SOD2: variants seen among roughly 807,000 people sequenced by gnomAD.
SOD2 encodes the protein superoxide dismutase [Mn], mitochondrial.
SOD2 carries 11 observed loss-of-function variants against 27.0 expected under a neutral mutation model. The ratio of observed to expected loss-of-function variants is 0.41; its 90% confidence interval spans 0.26 to 0.67. The LOEUF (loss-of-function observed/expected upper bound fraction) is 0.67, where lower values mean the gene tolerates loss of function less well. SOD2 is among the 30% of genes least tolerant of loss of function. SOD2 has a pLI of 0.34. For missense variants in SOD2, 250 were observed against 274.5 expected (o/e 0.91, Z 0.63); for synonymous variants, 105 against 103.0 (o/e 1.02, Z -0.12).
At position 159,673,984 on chromosome 6, in the gene SOD2, T is replaced by C. The variant is rs1779723783; in HGVS notation, c.*8509A>G. ...TATAAACACCTCTATGCAAATAAAC[T>C]AGAAAATCTAGAAGAAATAGATAAA... On this transcript the variant is annotated 3_prime_UTR_variant, in exon 5 of 5. Transcript: ENST00000538183. 6.6e-6 allele frequency: 1 copy of C among 152,120 alleles called. No individual in the cohort carries two copies. The highest frequency in any genetic ancestry group is 6.5e-5 in the Admixed American group (1 of 15,276). The allele number at this position is 152,120 out of a possible 1,614,324, so 9.4% of individuals were successfully genotyped here. A position where few individuals can be genotyped will look rare whatever the true frequency, so the allele number is the denominator to read the frequency against.
chr6:159,684,568 G>C (rs1780099780), intron 4 of SOD2, among the ~76,000 whole-genome samples: 1 of 152,060 alleles, frequency 6.6e-6, no homozygotes, highest in Non-Finnish European at 1.5e-5. Flanking sequence ...AGTGAACCGA[G>C]ATCGCACCAC....
At chr6:159,702,681 A>AAAGG (rs1348298028) in intron 1 of SOD2, among the ~76,000 whole-genome samples, 2 of 139,918 alleles carry the variant, frequency 1.4e-5, no homozygotes, top group Admixed American at 1.4e-4. Context: ...AAAAAAAAAG[A>AAAGG]AAGAAAGAAA....
intron 1 of SOD2, among the ~76,000 whole-genome samples, chr6:159,759,320 A>T (rs1446137935): frequency 2.5e-4 from 37 of 148,444 alleles, no homozygotes; most frequent in Non-Finnish European, 5.1e-4. Context: ...CGGCCTCCCA[A>T]AGTGCTGGGA....
At chr6:159,748,138 C>T (rs1048864727), upstream of SOD2, 51 of 1,549,754 alleles carry the variant, frequency 3.3e-5, no homozygotes, top group Non-Finnish European at 4.2e-5. The surrounding 1 kb of genome is among the most constrained non-coding windows in gnomAD (Gnocchi z 5.6). Flanking sequence ...TCCCCACCTT[C>T]TTATGTATGT....
At chr6:159,753,254 G>C in intron 1 of SOD2, 1 of 646,944 alleles carries the variant, frequency 1.5e-6, no homozygotes, top group Non-Finnish European at 2.6e-6. Flanking sequence ...GGCACTTTTT[G>C]TTTAGGGTTT....
At chr6:159,704,281 G>A (rs770558713) in intron 1 of SOD2, among the ~76,000 whole-genome samples, 97 of 152,202 alleles carry the variant, frequency 6.4e-4, no homozygotes, top group African/African-American at 2.1e-3. Context: ...AGTGGGTGGA[G>A]GACAGTGGGT....
At chr6:159,750,115 C>G (rs1244208334), upstream of SOD2, among the ~76,000 whole-genome samples, 1 of 152,172 alleles carries the variant, frequency 6.6e-6, no homozygotes, top group East Asian at 1.9e-4. Flanking sequence ...TTCTAAAATT[C>G]TCACTATTTG....
chr6:159,738,724 C>A (rs1779065569), intron 1 of SOD2, among the ~76,000 whole-genome samples: 1 of 151,978 alleles, frequency 6.6e-6, no homozygotes, highest in South Asian at 2.1e-4. Flanking sequence ...GGTGTTGCCA[C>A]TAATTTTTAT....
intron 1 of SOD2, among the ~76,000 whole-genome samples, chr6:159,759,541 G>A (rs1780081239): frequency 6.6e-6 from 1 of 151,380 alleles, no homozygotes; most frequent in South Asian, 2.1e-4. Context: ...ATGATGGCAC[G>A]GGCCTGTAAT....
intron 1 of SOD2, among the ~76,000 whole-genome samples, chr6:159,725,416 G>A (rs562250750): frequency 1.6e-4 from 24 of 150,908 alleles, no homozygotes; most frequent in African/African-American, 5.1e-4. Context: ...AGGAGACAGA[G>A]GTTGCAGTGA....
At chr6:159,712,077 G>C (rs1324260620) in intron 1 of SOD2, among the ~76,000 whole-genome samples, 13 of 28,738 alleles carry the variant, frequency 4.5e-4, no homozygotes, top group Non-Finnish European at 7.1e-4. Flanking sequence ...CGGCTGCTCA[G>C]ACCTCCATAA....
At chr6:159,724,971 G>GA (rs1258192995) in intron 1 of SOD2, among the ~76,000 whole-genome samples, 1 of 151,908 alleles carries the variant, frequency 6.6e-6, no homozygotes, top group African/African-American at 2.4e-5. Flanking sequence ...AAAAGAAAAA[G>GA]AAAGGAAAGG....
chr6:159,760,044 CAGAT>C (rs1202874058), intron 1 of SOD2, among the ~76,000 whole-genome samples: 7 of 152,140 alleles, frequency 4.6e-5, no homozygotes, highest in Admixed American at 2.6e-4. Flanking sequence ...GTAGAGGAGA[CAGAT>C]AAACTAGGAA....
intron 3 of SOD2, among the ~76,000 whole-genome samples, chr6:159,687,733 G>C (rs1583011973): frequency 2.0e-5 from 3 of 152,260 alleles, no homozygotes; most frequent in African/African-American, 7.2e-5. Flanking sequence ...CTTAGGCCAG[G>C]CACGGTGGCT....
At chr6:159,720,891 G>A (rs1280833348) in intron 1 of SOD2, among the ~76,000 whole-genome samples, 1 of 68,878 alleles carries the variant, frequency 1.5e-5, no homozygotes, top group Non-Finnish European at 2.6e-5. Flanking sequence ...GTGTCTTGTT[G>A]TGTCGCCCAG....
At chr6:159,700,514 T>C (rs1777505319) in intron 1 of SOD2, among the ~76,000 whole-genome samples, 1 of 151,562 alleles carries the variant, frequency 6.6e-6, no homozygotes, top group Non-Finnish European at 1.5e-5. Context: ...ATTAGCTGGG[T>C]GTGGTGGCAG....
chr6:159,688,361 C>T lies in SOD2; in HGVS notation c.227-119G>A, dbSNP rs151065641. On this transcript the variant is annotated intron_variant, in intron 2 of 4. Transcript: ENST00000538183. ...ATGGGACCAGCTTATCTATAACATC[C>T]GTTTGTCCTAAAATTCAGCACCCCC... The T allele has an allele frequency of 3.5e-4, 229 of 661,336 alleles. 4 individuals carry two copies. The East Asian group carries it at 5.9e-3, about 17-fold the overall frequency. 41.0% of individuals were successfully genotyped at this position (661,336 alleles called of 1,614,324 possible).
chr6:159,669,812 C>T lies in SOD2; in HGVS notation c.*12681G>A, dbSNP rs1468419094. On this transcript the variant is annotated 3_prime_UTR_variant, in exon 5 of 5. Coordinates refer to ENST00000538183, the MANE Select transcript of SOD2 (RefSeq NM_000636.4). ...GCTTCCATTTGTATGCAATATCTTT[C>T]TCCATACCTTCACTTTTGGCCTGTC... 1.3e-5 allele frequency: 2 copies of T among 152,102 alleles called. No homozygotes were observed. Among genetic ancestry groups the T allele is most frequent in the Non-Finnish European group, 2.9e-5 (2 of 68,018 alleles). 9.4% of individuals were successfully genotyped at this position (152,102 alleles called of 1,614,324 possible). A position where few individuals can be genotyped will look rare whatever the true frequency, so the allele number is the denominator to read the frequency against.
chr6:159,744,914 T>C (rs1029543763), intron 1 of SOD2, among the ~76,000 whole-genome samples: 3 of 152,182 alleles, frequency 2.0e-5, no homozygotes, highest in Non-Finnish European at 4.4e-5. Context: ...TGCTGTACTT[T>C]GGCAATCCTT....
Sources: allele counts gnomAD v4.1 joint callset (sites outside exome capture counted in the v4.1 genomes callset), GRCh38; gene constraint gnomAD v4.1.1; non-coding constraint Gnocchi (gnomAD v3.1); transcripts MANE v1.5; gene names NCBI Gene and HGNC (gene_info 2026-07-23, HGNC 2026-07-21).